The following PICALM variants were observed in gnomAD, a reference collection of about 807,000 sequenced individuals.
PICALM encodes the protein phosphatidylinositol binding clathrin assembly protein.
PICALM carries 40 observed loss-of-function variants against 80.5 expected under a neutral mutation model. That is an observed-to-expected ratio of 0.50 (90% CI 0.39 to 0.65). The LOEUF (loss-of-function observed/expected upper bound fraction) is 0.65. Among genes scored for constraint, PICALM ranks in the 30% least tolerant of loss-of-function variants. PICALM has a pLI of 0.00. For missense variants in PICALM, 676 were observed against 778.9 expected (o/e 0.87, Z 1.57); for synonymous variants, 288 against 260.3 (o/e 1.11, Z -1.02).
chr11:86,031,719 TA>T (rs2136778010), intron 1 of PICALM, 108 bp from the exon 2 acceptor site: 1 of 753,180 alleles, frequency 1.3e-6, no homozygotes, highest in East Asian at 2.7e-5. Context: ...AGTGGAGCAG[TA>T]ATAGTTTGGA....
chr11:85,966,155 T>C, intron 19 of PICALM, among the ~76,000 whole-genome samples: 1 of 152,054 alleles, frequency 6.6e-6, no homozygotes. Context: ...TGCCACACAG[T>C]GACCTGGGAG....
intron 2 of PICALM, among the ~76,000 whole-genome samples, chr11:86,031,184 T>C (rs1364479979): frequency 2.0e-5 from 3 of 151,984 alleles, no homozygotes; most frequent in Admixed American, 1.3e-4. Context: ...ACAAAATATA[T>C]AGTCTATAAA....
In PICALM at chr11:86,048,837, CAAAAAA is replaced by C. The variant is rs36076234; in HGVS notation, c.131-17232_131-17227del. On this transcript the variant is annotated intron_variant, in intron 1 of 19. Transcript: ENST00000393346. ...GGGGAGTAAGAGTGAAACTCCGTCT[CAAAAAA>C]AAAAAAAAAAAAAAAAATTACTGCC... Among the ~76,000 whole-genome samples, 824 of 102,026 alleles carry C rather than the reference CAAAAAA, an allele frequency of 8.1e-3. 14 individuals carry two copies. The highest frequency in any genetic ancestry group is 0.031 in the African/African-American group (809 of 25,738). 66.9% of individuals were successfully genotyped at this position (102,026 alleles called of 152,430 possible).
rs970643934 is a variant in PICALM at position 86,007,550 on chromosome 11, G to A, written c.799C>T (p.Leu267Phe). The A allele has an allele frequency of 6.0e-5, 90 of 1,510,330 alleles. No homozygotes were observed. Among genetic ancestry groups the A allele is most frequent in the Non-Finnish European group, 8.1e-5 (89 of 1,092,212 alleles). The allele number at this position is 1,510,330 out of a possible 1,614,324, so 93.6% of individuals were successfully genotyped here. A position where few individuals can be genotyped will look rare whatever the true frequency, so the allele number is the denominator to read the frequency against. Residue 267 changes from leucine to phenylalanine, a missense_variant, in exon 8 of 20, where the codon CTT becomes TTT. Leu to Phe is a conservative substitution (Grantham distance 22). Transcript: ENST00000393346. ...TTTAACAATAAACTTACCTGTGAAAGGTCTGGTATATCACCTCTGTCAATT... is the reference window on the plus strand; with the variant it reads ...TTTAACAATAAACTTACCTGTGAAAAGTCTGGTATATCACCTCTGTCAATT... ...VGIDRGDIPD[L>F]SQAPSSLLDA...
At chr11:86,038,868 T>TG (rs2095893749) in intron 1 of PICALM, among the ~76,000 whole-genome samples, 1 of 151,680 alleles carries the variant, frequency 6.6e-6, no homozygotes, top group Admixed American at 6.6e-5. Context: ...CCCAGTACGT[T>TG]GGGGGTCAAG....
chr11:86,059,924 T>C (rs1167037021), intron 1 of PICALM, among the ~76,000 whole-genome samples: 1 of 152,142 alleles, frequency 6.6e-6, no homozygotes, highest in Non-Finnish European at 1.5e-5. Flanking sequence ...AATAACTAAT[T>C]TTTAAGGCCT....
intron 1 of PICALM, among the ~76,000 whole-genome samples, chr11:86,041,994 C>G (rs1270650267): frequency 6.6e-6 from 1 of 152,144 alleles, no homozygotes; most frequent in Non-Finnish European, 1.5e-5. Context: ...TTTTAAATTA[C>G]TACGTAAGCC....
chr11:86,067,552 G>A (rs996712635), intron 1 of PICALM, among the ~76,000 whole-genome samples: 16 of 152,304 alleles, frequency 1.1e-4, no homozygotes, highest in African/African-American at 3.8e-4. Flanking sequence ...GCGAATGGAC[G>A]AATACTATGT....
chr11:85,964,048 A>C (rs377755667), intron 19 of PICALM, among the ~76,000 whole-genome samples: 23 of 151,434 alleles, frequency 1.5e-4, no homozygotes, highest in African/African-American at 4.8e-4. Flanking sequence ...CTATTGATAG[A>C]CTATCATAAA....
chr11:86,049,045 C>A (rs1384408338), intron 1 of PICALM, among the ~76,000 whole-genome samples: 1 of 152,140 alleles, frequency 6.6e-6, no homozygotes, highest in East Asian at 1.9e-4. Context: ...GTAATCCCAG[C>A]ACTTTGGAAG....
chr11:86,026,460 A>C, intron 2 of PICALM, 93 bp from the exon 3 acceptor site: 1 of 700,068 alleles, frequency 1.4e-6, no homozygotes, highest in African/African-American at 1.8e-5. Flanking sequence ...AACACATTCT[A>C]TTAAGCTTAT....
chr11:86,022,500 A>AAG (rs763333854), intron 3 of PICALM, 31 bp from the exon 4 acceptor site: 2 of 1,166,400 alleles, frequency 1.7e-6, no homozygotes, highest in South Asian at 3.0e-5. Flanking sequence ...AAACAAAACA[A>AAG]AGAGAGAGAC....
Position 85,981,873 on chromosome 11 carries a change from G to A in PICALM, c.1647C>T (p.Gly549=), listed in dbSNP as rs371001564. 28 of 1,613,306 alleles carry A rather than the reference G, an allele frequency of 1.7e-5. No homozygotes were observed. Among genetic ancestry groups the A allele is most frequent in the Non-Finnish European group, 2.3e-5 (27 of 1,179,376 alleles). ...TTAACGTATCCAAAGACTACTTACT[G>A]CCCACAAGGTTGGCTAAAGATGAAT... is the stretch of plus-strand genomic sequence containing the variant. ...DLDSSLANLV[G]NLGIGNGTTK... is the part of the protein sequence containing the mutation. The change falls in exon 15 of 20, where the codon GGC becomes GGT. Residue 549 remains glycine (G), a splice_region_variant and synonymous_variant. Coordinates refer to ENST00000393346, the MANE Select transcript of PICALM (RefSeq NM_007166.4).
chr11:86,069,704 C>T (rs1409216156), upstream of PICALM: 1 of 152,278 alleles, frequency 6.6e-6, no homozygotes. Flanking sequence ...TATTGAAGCT[C>T]TCCTTATTTA....
intron 1 of PICALM, among the ~76,000 whole-genome samples, chr11:86,058,948 G>C (rs755356723): frequency 6.6e-6 from 1 of 152,160 alleles, no homozygotes; most frequent in Non-Finnish European, 1.5e-5. Flanking sequence ...TTTTAATATA[G>C]TGTTCAACTG....
intron 16 of PICALM, 101 bp downstream of exon 16, chr11:85,981,644 C>A: frequency 3.7e-6 from 3 of 801,840 alleles, no homozygotes; most frequent in Non-Finnish European, 6.3e-6. Context: ...GATATCTCTA[C>A]ACATATTTTT....
chr11:86,038,781 A>G (rs1436735726), intron 1 of PICALM, among the ~76,000 whole-genome samples: 1 of 151,748 alleles, frequency 6.6e-6, no homozygotes, highest in Non-Finnish European at 1.5e-5. Context: ...CATCTCAGAA[A>G]AAAAAAAAAG....
chr11:86,063,588 T>C (rs1473427264), intron 1 of PICALM, among the ~76,000 whole-genome samples: 1 of 152,176 alleles, frequency 6.6e-6, no homozygotes, highest in African/African-American at 2.4e-5. Flanking sequence ...GGAAAAAGGA[T>C]ACATTTGTGA....
intron 1 of PICALM, among the ~76,000 whole-genome samples, chr11:86,031,928 C>A (rs550962819): frequency 1.3e-5 from 2 of 152,256 alleles, no homozygotes; most frequent in African/African-American, 4.8e-5. Flanking sequence ...CTTCTATTTC[C>A]TTACTACTTA....
Sources: gnomAD v4.1 joint callset for allele counts (sites outside exome capture counted in the v4.1 genomes callset) on GRCh38, gnomAD v4.1.1 for gene constraint, MANE v1.5 for transcripts, NCBI Gene and HGNC (gene_info 2026-07-23, HGNC 2026-07-21) for gene names.